Variants in HYDIN observed in about 807,000 individuals in gnomAD.
HYDIN encodes HYDIN axonemal central pair apparatus protein.
In HYDIN, 132 loss-of-function variants were observed where a neutral mutation model predicts 403.9. The ratio of observed to expected loss-of-function variants is 0.33; its 90% confidence interval spans 0.28 to 0.38. The LOEUF (loss-of-function observed/expected upper bound fraction) is 0.38. Ranked by LOEUF, HYDIN falls within the 10% of genes least tolerant of loss-of-function variation. The pLI, the probability that HYDIN is intolerant of heterozygous loss-of-function variation, is 1.00. For missense variants in HYDIN, 2,827 were observed against 5,009.5 expected, an observed-to-expected ratio of 0.56 and a Z score of 13.15; for synonymous variants, 1,202 against 1,891.7, an observed-to-expected ratio of 0.64 and a Z score of 9.46.
chr16:71,079,204 A>T lies in HYDIN; in HGVS notation c.1738+681T>A, dbSNP rs1370574164. Reference sequence around the variant, plus strand: ...GAATTGAAAGAGCATCCAGTTGCACACTATAAGGACAGATGTTTTTCTTCA... The same window carrying T: ...GAATTGAAAGAGCATCCAGTTGCACTCTATAAGGACAGATGTTTTTCTTCA... On this transcript the variant is annotated intron_variant, in intron 13 of 85. Transcript: ENST00000393567. 2.0e-5 allele frequency among the ~76,000 whole-genome samples: 3 copies of T among 152,184 alleles called. No individual in the cohort carries two copies. In the East Asian group the frequency reaches 5.8e-4, roughly 29 times the overall value.
At chr16:71,229,910 T>TG (rs1161689520) in intron 1 of HYDIN, among the ~76,000 whole-genome samples, 2 of 152,270 alleles carry the variant, frequency 1.3e-5, no homozygotes, top group Non-Finnish European at 2.9e-5. Context: ...AGGGACCCCA[T>TG]GGTGGGTAAC....
intron 16 of HYDIN, 22 bp from the exon 17 acceptor site, chr16:71,062,355 G>T: frequency 6.3e-7 from 1 of 1,593,236 alleles, no homozygotes; most frequent in Non-Finnish European, 8.6e-7. Context: ...AAAACCAGAG[G>T]GGTAAGGACA....
chr16:71,145,367 G>C (rs1300176445), intron 7 of HYDIN, among the ~76,000 whole-genome samples: 1 of 150,854 alleles, frequency 6.6e-6, no homozygotes, highest in African/African-American at 2.4e-5. Context: ...AAATTCTCTT[G>C]CCTCAGCCTC....
intron 73 of HYDIN, among the ~76,000 whole-genome samples, chr16:70,851,535 C>T (rs2038656840): frequency 6.7e-6 from 1 of 149,222 alleles, no homozygotes; most frequent in Non-Finnish European, 1.5e-5. Context: ...GATAACATCT[C>T]ACACCAGTCA....
At chr16:71,097,626 A>C (rs1260414366) in intron 10 of HYDIN, among the ~76,000 whole-genome samples, 1 of 144,218 alleles carries the variant, frequency 6.9e-6, no homozygotes, top group African/African-American at 2.7e-5. Context: ...CTAATTCCAC[A>C]CAAACATCTG....
In HYDIN at chr16:71,062,290, G is replaced by C. The variant is rs534459289; in HGVS notation, c.2255C>G (p.Pro752Arg). The C allele has an allele frequency of 6.3e-6, 10 of 1,577,004 alleles. No homozygotes were observed. The highest frequency in any genetic ancestry group is 5.8e-5 in the South Asian group (5 of 86,152). The change falls in exon 17 of 86, where the codon CCC (proline) becomes CGC (arginine). Residue 752 changes from proline to arginine, a missense_variant. Physicochemically the swap from Pro to Arg is moderately radical, Grantham distance 103. Coordinates refer to ENST00000393567, the MANE Select transcript of HYDIN (RefSeq NM_001270974.2). Reference protein sequence around the residue: ...VPTVLFSSPTPSGVISPSSTI... With the variant: ...VPTVLFSSPTRSGVISPSSTI... ...GCTGCTTGGGGAGATGACCCCGCTG[G>C]GGGTGGGGCTGGAAAACAGCACAGT...
intron 30 of HYDIN, among the ~76,000 whole-genome samples, chr16:70,978,017 C>T (rs935269841): frequency 6.6e-6 from 1 of 152,108 alleles, no homozygotes; most frequent in East Asian, 2.0e-4. Flanking sequence ...CTCTCTCTCT[C>T]CCCGAGGTGC....
At chr16:71,158,506 A>G (rs6499483) in intron 6 of HYDIN, among the ~76,000 whole-genome samples, 66,040 of 148,302 alleles carry the variant, frequency 0.45, 16,699 homozygotes, top group African/African-American at 0.68. Context: ...CCATTTTGGC[A>G]TGGTTTTTTT....
intron 1 of HYDIN, among the ~76,000 whole-genome samples, chr16:71,220,107 G>T (rs556621259): frequency 6.6e-6 from 1 of 152,166 alleles, no homozygotes; most frequent in Admixed American, 6.5e-5. Flanking sequence ...AAAATCTGAG[G>T]GCTGACACAT....
intron 23 of HYDIN, among the ~76,000 whole-genome samples, chr16:70,993,723 T>C (rs1380594778): frequency 6.7e-6 from 1 of 150,144 alleles, no homozygotes; most frequent in East Asian, 2.0e-4. Context: ...ATGGTATATG[T>C]ATATTTAACA....
In HYDIN at chr16:70,970,672, G is replaced by T; in HGVS notation, c.5467C>A (p.Arg1823Ser). The change falls in exon 36 of 86, where the codon CGC becomes AGC. Residue 1823 changes from arginine to serine, a missense_variant. Transcript: ENST00000393567. ...AGGACTGAAGGACTAAATTCCAGGCGTGGCTCTAGACCTTGCCCACGTGCC... is the reference window on the plus strand; with the variant it reads ...AGGACTGAAGGACTAAATTCCAGGCTTGGCTCTAGACCTTGCCCACGTGCC... ...LLARGQGLEP[R>S]LEFSPSVLDL... 6.5e-7 allele frequency: 1 copy of T among 1,531,764 alleles called. No individual in the cohort carries two copies. The highest frequency in any genetic ancestry group is 9.0e-7 in the Non-Finnish European group (1 of 1,108,094). The allele number at this position is 1,531,764 out of a possible 1,614,324, so 94.9% of individuals were successfully genotyped here. A position where few individuals can be genotyped will look rare whatever the true frequency, so the allele number is the denominator to read the frequency against.
At position 70,879,494 on chromosome 16, in the gene HYDIN, G is replaced by A. The variant is rs377636386; in HGVS notation, c.10368-8C>T. The A allele has an allele frequency of 6.2e-7, 1 of 1,613,140 alleles. No homozygotes were observed. The highest frequency in any genetic ancestry group is 8.5e-7 in the Non-Finnish European group (1 of 1,179,472). On this transcript the variant is annotated splice_polypyrimidine_tract_variant and splice_region_variant and intron_variant, in intron 61 of 85. Transcript: ENST00000393567. Reference sequence around the variant, plus strand: ...CGGCTCTTGGCCAGGGTGCTGTAGGGGACAGGAAGATTGTAGCCTGTCAGC... The same window carrying A: ...CGGCTCTTGGCCAGGGTGCTGTAGGAGACAGGAAGATTGTAGCCTGTCAGC...
At chr16:71,180,226 AT>A (rs1344943016) in intron 3 of HYDIN, among the ~76,000 whole-genome samples, 6 of 152,262 alleles carry the variant, frequency 3.9e-5, no homozygotes, top group South Asian at 2.1e-4. Flanking sequence ...CAGTAAAAAA[AT>A]AATAAATATT....
Position 70,970,709 on chromosome 16 carries a change from C to T in HYDIN, c.5430G>A (p.Lys1810=), listed in dbSNP as rs1379505962. The T allele has an allele frequency of 3.3e-6, 5 of 1,533,150 alleles. No individual in the cohort carries two copies. Among genetic ancestry groups the T allele is most frequent in the Admixed American group, 1.9e-5 (1 of 54,050 alleles). 95.0% of individuals were successfully genotyped at this position (1,533,150 alleles called of 1,614,324 possible). A position where few individuals can be genotyped will look rare whatever the true frequency, so the allele number is the denominator to read the frequency against. The change falls in exon 36 of 86, where the codon AAG becomes AAA. Residue 1810 remains lysine (K), a synonymous_variant. Transcript: ENST00000393567. ...LVFQIAQSAQ[K]LTLLARGQGL... ...CTTGCCCACGTGCCAGGAGGGTAAG[C>T]TTTTGAGCACTCTGGGCAATCTGAA...
chr16:70,816,564 TA>T (rs1183965711), intron 84 of HYDIN, among the ~76,000 whole-genome samples: 2 of 88,126 alleles, frequency 2.3e-5, no homozygotes, highest in Non-Finnish European at 4.4e-5. Flanking sequence ...AAGGAAATAA[TA>T]AAGACAAGAG....
intron 75 of HYDIN, among the ~76,000 whole-genome samples, chr16:70,846,354 G>C (rs1168220759): frequency 6.6e-6 from 1 of 151,304 alleles, no homozygotes; most frequent in Non-Finnish European, 1.5e-5. Flanking sequence ...GAGCGGCTTT[G>C]AGTGAGATTC....
chr16:71,044,119 T>G (rs1379219606), intron 18 of HYDIN, among the ~76,000 whole-genome samples: 2 of 148,556 alleles, frequency 1.3e-5, no homozygotes, highest in Middle Eastern at 3.4e-3. Context: ...TGCCCTTCCT[T>G]GTGGCTGGTC....
chr16:70,839,777 A>C (rs1412070253), intron 76 of HYDIN, among the ~76,000 whole-genome samples: 1 of 146,264 alleles, frequency 6.8e-6, no homozygotes, highest in African/African-American at 2.5e-5. Flanking sequence ...TCAGTTTCCA[A>C]GTCTATTGCA....
At chr16:71,113,688 G>A (rs557098024) in intron 10 of HYDIN, 4 of 151,116 alleles carry the variant, frequency 2.6e-5, no homozygotes, top group Admixed American at 2.6e-4. Flanking sequence ...CAAACTTCTG[G>A]GCTTAAGTGA....
Sources: allele counts gnomAD v4.1 joint callset (sites outside exome capture counted in the v4.1 genomes callset), GRCh38; gene constraint gnomAD v4.1.1; transcripts MANE v1.5; gene names NCBI Gene and HGNC (gene_info 2026-07-23, HGNC 2026-07-21).